MROH9: variants seen among roughly 807,000 people sequenced by gnomAD.
MROH9 encodes the protein maestro heat like repeat family member 9, also known as maestro heat-like repeat-containing protein family member 9.
In MROH9, 92 loss-of-function variants were observed where a neutral mutation model predicts 98.2. The observed-to-expected ratio is 0.94, with a 90% CI of 0.79 to 1.11. MROH9 has a LOEUF of 1.11. Among genes scored for constraint, MROH9 ranks in the 50% most tolerant of loss-of-function variants. The probability of loss-of-function intolerance (pLI) is 0.00; values close to 1 mark genes in which losing one functional copy is unlikely to be tolerated. For synonymous variants in MROH9, 397 were observed against 368.9 expected, an observed-to-expected ratio of 1.08 and a Z score of -0.87; for missense variants, 1,057 against 1,014.8, an observed-to-expected ratio of 1.04 and a Z score of -0.57.
chr1:171,022,492 A>G (rs1006814698), intron 17 of MROH9, among the ~76,000 whole-genome samples: 4 of 152,200 alleles, frequency 2.6e-5, no homozygotes, highest in Admixed American at 2.0e-4. Flanking sequence ...GCAAACTAAC[A>G]CAGGAACAGA....
rs556534345 is a variant in MROH9 at position 171,064,173 on chromosome 1, A to G, written c.2419A>G (p.Lys807Glu). The change falls in exon 22 of 22, where the codon AAA becomes GAA. Residue 807 changes from lysine to glutamate, a missense_variant. Lys to Glu is a moderately conservative substitution (Grantham distance 56). Transcript: ENST00000367759. ...LAEITYDIFKKKAHKLTSAPL... is the reference protein window; with the variant it reads ...LAEITYDIFKEKAHKLTSAPL... ...TGAAATAACCTATGATATTTTTAAG[A>G]AAAAAGCCCATAAACTGACCTCTGC... 22 of 1,551,254 alleles carry G rather than the reference A, an allele frequency of 1.4e-5. No individual in the cohort carries two copies. In the South Asian group the frequency reaches 2.5e-4, roughly 18 times the overall value.
intron 15 of MROH9, among the ~76,000 whole-genome samples, chr1:171,009,478 G>A (rs1652071996): frequency 6.6e-6 from 1 of 152,082 alleles, no homozygotes; most frequent in Admixed American, 6.6e-5. Context: ...TTATCAGAAA[G>A]CAAATAAGTA....
Position 170,998,157 on chromosome 1 carries a change from T to C in MROH9, c.1479T>C (p.Thr493=), listed in dbSNP as rs1451540490. The stretch of plus-strand genomic sequence containing the variant: ...AGTGCCTTATTCTCTTTTACAGAAC[T>C]CTCAGTGAATATAACTTTCCACAGT... ...YYHGVCFIAK[T]LSEYNFPQFP... Residue 493 remains threonine (T), a synonymous_variant, in exon 15 of 22, where the codon ACT becomes ACC. Transcript: ENST00000367759. 3.1e-6 allele frequency: 5 copies of C among 1,599,838 alleles called. No individual in the cohort carries two copies. In the South Asian group the frequency reaches 4.6e-5, roughly 15 times the overall value.
In MROH9 at chr1:170,937,622, C is replaced by T. The variant is rs928050981; in HGVS notation, c.-38+2035C>T. 1.1e-4 allele frequency among the ~76,000 whole-genome samples: 17 copies of T among 148,784 alleles called. No homozygotes were observed. The East Asian group carries it at 1.6e-3, about 14-fold the overall frequency. On this transcript the variant is annotated intron_variant, in intron 1 of 21. Transcript: ENST00000367759. ...CTGCAAGCTCCGCCTCCCGGGTTCA[C>T]GCCATTCTCCTGCCTCAGCCTCCCA...
At chr1:171,040,042 A>T (rs538218889) in intron 20 of MROH9, among the ~76,000 whole-genome samples, 9 of 152,150 alleles carry the variant, frequency 5.9e-5, no homozygotes, top group Non-Finnish European at 7.4e-5. Context: ...TCCTGAAAAA[A>T]GGGGAAAACA....
chr1:171,045,292 G>C (rs572624066), intron 20 of MROH9, among the ~76,000 whole-genome samples: 12 of 151,830 alleles, frequency 7.9e-5, no homozygotes, highest in African/African-American at 2.7e-4. Context: ...GCGCCACCGT[G>C]CTCGGCCTGC....
At chr1:170,979,503 TCATA>T (rs1209228386) in intron 8 of MROH9, among the ~76,000 whole-genome samples, 1 of 152,220 alleles carries the variant, frequency 6.6e-6, no homozygotes, top group African/African-American at 2.4e-5. Flanking sequence ...GATCTATACT[TCATA>T]TATATTCAAA....
At chr1:170,937,515 A>ATTTTTTT (rs71125282) in intron 1 of MROH9, among the ~76,000 whole-genome samples, 1 of 113,564 alleles carries the variant, frequency 8.8e-6, no homozygotes, top group African/African-American at 3.5e-5. Flanking sequence ...CATAATCAGT[A>ATTTTTTT]TTTTTTTTTT....
At chr1:170,978,034 G>C (rs199731943) in intron 8 of MROH9, among the ~76,000 whole-genome samples, 1 of 152,168 alleles carries the variant, frequency 6.6e-6, no homozygotes, top group East Asian at 1.9e-4. Flanking sequence ...TCCTTCTTTA[G>C]TCTGAGGGTA....
At chr1:170,946,590 T>C (rs941038052) in intron 2 of MROH9, among the ~76,000 whole-genome samples, 2 of 152,062 alleles carry the variant, frequency 1.3e-5, no homozygotes, top group Non-Finnish European at 2.9e-5. Context: ...TTAGTTAACA[T>C]TGGAGGGAAC....
At chr1:170,938,448 A>C (rs1441103807) in intron 1 of MROH9, among the ~76,000 whole-genome samples, 1 of 152,224 alleles carries the variant, frequency 6.6e-6, no homozygotes, top group Admixed American at 6.5e-5. Context: ...ACCTTGCCCC[A>C]GCCCTTCCAG....
chr1:171,004,299 A>G (rs989537656), intron 15 of MROH9, among the ~76,000 whole-genome samples: 1 of 152,120 alleles, frequency 6.6e-6, no homozygotes, highest in East Asian at 1.9e-4. Context: ...TATAAAGTTC[A>G]GCTCAAGAAT....
rs1480174830 is a variant in MROH9, at chr1:170,983,408, TC to T, written c.617-13del. The T allele has an allele frequency of 6.4e-7, 1 of 1,563,648 alleles. No homozygotes were observed. Among genetic ancestry groups the T allele is most frequent in the Non-Finnish European group, 8.8e-7 (1 of 1,139,126 alleles). On this transcript the variant is annotated splice_polypyrimidine_tract_variant and intron_variant, in intron 8 of 21. Transcript: ENST00000367759. ...TCAAATAACAACCTGAAACTCTTTT[TC>T]TTAACAAAGCAGATATTGGAACAAA... is the stretch of plus-strand genomic sequence containing the variant.
rs530530822 is a variant in MROH9, at chr1:171,012,014, C to T, written c.1597-2103C>T. Among the ~76,000 whole-genome samples the T allele has an allele frequency of 4.0e-5, 6 of 151,706 alleles. No individual in the cohort carries two copies. The East Asian group carries it at 1.2e-3, about 29-fold the overall frequency. ...ATATAAATAATTTATGTTAACATTT[C>T]TTTTTAAGTAAAATATTTAAAGTCA... On this transcript the variant is annotated intron_variant, in intron 15 of 21. Coordinates refer to ENST00000367759, the MANE Select transcript of MROH9 (RefSeq NM_001163629.2).
intron 5 of MROH9, 58 bp from the exon 6 acceptor site, chr1:170,961,832 G>T: frequency 1.2e-6 from 1 of 813,636 alleles, no homozygotes; most frequent in Non-Finnish European, 1.8e-6. Flanking sequence ...AAAAACTGTA[G>T]ACATTAGGTA....
rs1487594080 is a variant in MROH9, at chr1:170,983,496, C to T, written c.691C>T (p.Pro231Ser). ...QFPSSDVEFL[P>S]KEFQQDESKI... ...TCCTTCTTCTGATGTAGAATTTCTA[C>T]CCAAGGAGTTTCAACAAGACGAAAG... Residue 231 changes from proline to serine, a missense_variant, in exon 9 of 22, where the codon CCC (proline) becomes TCC (serine). Physicochemically the swap from Pro to Ser is moderately conservative, Grantham distance 74. Transcript: ENST00000367759. 3.7e-6 allele frequency: 6 copies of T among 1,613,036 alleles called. No individual in the cohort carries two copies. Among genetic ancestry groups the T allele is most frequent in the Non-Finnish European group, 4.2e-6 (5 of 1,179,348 alleles).
chr1:170,961,699 G>C (rs1650020754), intron 5 of MROH9, among the ~76,000 whole-genome samples, 191 bp from the exon 6 acceptor site: 1 of 152,004 alleles, frequency 6.6e-6, no homozygotes, highest in Non-Finnish European at 1.5e-5. Flanking sequence ...TTTAATATCT[G>C]AGATAATGCT....
At chr1:171,049,225 G>T (rs766659078) in intron 20 of MROH9, among the ~76,000 whole-genome samples, 24 of 152,164 alleles carry the variant, frequency 1.6e-4, no homozygotes, top group Admixed American at 8.5e-4. Flanking sequence ...AGTCAGGTGA[G>T]CATGCATAGT....
At chr1:171,059,584 G>A (rs539385392) in intron 20 of MROH9, among the ~76,000 whole-genome samples, 155 of 152,260 alleles carry the variant, frequency 1.0e-3, no homozygotes, top group Non-Finnish European at 1.9e-3. Context: ...AAAGACACAT[G>A]CACACCTATG....
Sources: allele counts gnomAD v4.1 joint callset (sites outside exome capture counted in the v4.1 genomes callset), GRCh38; gene constraint gnomAD v4.1.1; transcripts MANE v1.5; gene names NCBI Gene and HGNC (gene_info 2026-07-23, HGNC 2026-07-21).